Variants in CTNNA3 observed in about 807,000 individuals in gnomAD.
The protein encoded by CTNNA3 is catenin alpha 3.
CTNNA3 carries 76 observed loss-of-function variants against 95.7 expected under a neutral mutation model. The ratio of observed to expected loss-of-function variants is 0.79; its 90% CI spans 0.66 to 0.96. The LOEUF is 0.96. Among genes scored for constraint, CTNNA3 ranks in the 40% least tolerant of loss-of-function variants. The pLI, the probability that CTNNA3 is intolerant of heterozygous loss-of-function variation, is 0.00. For missense variants in CTNNA3, 1,191 were observed against 1,089.8 expected, an observed-to-expected ratio of 1.09 and a Z score of -1.31; for synonymous variants, 431 against 374.4, an observed-to-expected ratio of 1.15 and a Z score of -1.74.
At chr10:67,715,749 A>G (rs114688106) in intron 1 of CTNNA3, among the ~76,000 whole-genome samples, 2,512 of 152,298 alleles carry the variant, frequency 0.016, 73 homozygotes, top group African/African-American at 0.058. Context: ...GATTCAAAAG[A>G]TATTTTAGCC....
intron 10 of CTNNA3, among the ~76,000 whole-genome samples, chr10:66,565,806 T>C (rs1455239443): frequency 6.6e-6 from 1 of 152,156 alleles, no homozygotes; most frequent in Non-Finnish European, 1.5e-5. Context: ...TGAATAAACA[T>C]TTTCATTATT....
At chr10:67,246,754 G>C (rs1001483855) in intron 5 of CTNNA3, among the ~76,000 whole-genome samples, 3 of 152,094 alleles carry the variant, frequency 2.0e-5, no homozygotes, top group African/African-American at 7.2e-5. Context: ...TAAGTTACTG[G>C]AGTACAACTG....
At chr10:65,955,759 G>A (rs937015114) in intron 17 of CTNNA3, among the ~76,000 whole-genome samples, 1 of 152,108 alleles carries the variant, frequency 6.6e-6, no homozygotes, top group Non-Finnish European at 1.5e-5. Context: ...TGGTGGATAA[G>A]CTTTTTGATG....
intron 15 of CTNNA3, among the ~76,000 whole-genome samples, chr10:66,022,361 A>G (rs559123391): frequency 4.1e-4 from 63 of 152,300 alleles, no homozygotes; most frequent in African/African-American, 1.3e-3. Flanking sequence ...ACCTATGCGC[A>G]AAGTACAAGG....
chr10:66,960,948 A>AG (rs1849076221), intron 7 of CTNNA3, among the ~76,000 whole-genome samples: 2 of 152,168 alleles, frequency 1.3e-5, no homozygotes, highest in Non-Finnish European at 2.9e-5. Context: ...CTAGTTAATC[A>AG]CAAGGGATCC....
chr10:66,097,085 T>C (rs1348188403), intron 14 of CTNNA3, among the ~76,000 whole-genome samples: 2 of 152,220 alleles, frequency 1.3e-5, no homozygotes, highest in African/African-American at 4.8e-5. Context: ...CAGATTTACA[T>C]AAACTTGCTG....
intron 7 of CTNNA3, among the ~76,000 whole-genome samples, chr10:66,814,167 G>T (rs1462066709): frequency 6.6e-6 from 1 of 151,592 alleles, no homozygotes; most frequent in Admixed American, 6.6e-5. Flanking sequence ...ATTGGGGCCC[G>T]GTATAGAAAC....
intron 5 of CTNNA3, among the ~76,000 whole-genome samples, chr10:67,347,599 T>G (rs908887763): frequency 6.6e-6 from 1 of 152,162 alleles, no homozygotes; most frequent in African/African-American, 2.4e-5. Flanking sequence ...AACTCAGAAG[T>G]AAATTCTTTG....
intron 7 of CTNNA3, among the ~76,000 whole-genome samples, chr10:66,925,670 T>A (rs1476140315): frequency 6.6e-6 from 1 of 152,192 alleles, no homozygotes; most frequent in Non-Finnish European, 1.5e-5. Context: ...AAAAGCTCAA[T>A]AATTCATTTT....
chr10:67,720,075 G>A lies in CTNNA3; in HGVS notation c.-2+43359C>T, dbSNP rs7099337. ...TGTAATGCCCTTCTTTGTCTTTTTC[G>A]TATTTTTATTGGTTTAAAGTCTGTT... On this transcript the variant is annotated intron_variant, in intron 1 of 17. Transcript: ENST00000684154. Among the ~76,000 whole-genome samples the A allele has an allele frequency of 5.0e-3, 593 of 119,168 alleles. 3 individuals are homozygous for A. Among genetic ancestry groups the A allele is most frequent in the African/African-American group, 0.019 (566 of 30,434 alleles). 78.2% of individuals were successfully genotyped at this position (119,168 alleles called of 152,430 possible). A position where few individuals can be genotyped will look rare whatever the true frequency, so the allele number is the denominator to read the frequency against.
intron 9 of CTNNA3, among the ~76,000 whole-genome samples, chr10:66,708,016 G>C (rs1021245307): frequency 3.3e-5 from 5 of 152,032 alleles, no homozygotes; most frequent in African/African-American, 1.2e-4. Flanking sequence ...ACTCAATCTA[G>C]GGTCTTAGCT....
In CTNNA3 at chr10:66,062,851, A is replaced by G. The variant is rs971147776; in HGVS notation, c.2159+6457T>C. Among the ~76,000 whole-genome samples, 5 of 152,084 alleles carry G rather than the reference A, an allele frequency of 3.3e-5. No individual in the cohort carries two copies. In the East Asian group the frequency reaches 9.7e-4, roughly 29 times the overall value. On this transcript the variant is annotated intron_variant, in intron 15 of 17. Coordinates refer to ENST00000433211, the MANE Select transcript of CTNNA3 (RefSeq NM_013266.4). ...CATGAAATGTGTCTATTTTCAAATG[A>G]TTTGTCACTCTATGGAGTTATGAAT... is the stretch of plus-strand genomic sequence containing the variant.
chr10:66,968,904 C>T (rs1388351671), intron 7 of CTNNA3, among the ~76,000 whole-genome samples: 1 of 152,004 alleles, frequency 6.6e-6, no homozygotes, highest in African/African-American at 2.4e-5. Flanking sequence ...GTAATCCTAG[C>T]TGCTGGGGGC....
chr10:67,059,036 G>A (rs943721573), intron 7 of CTNNA3, among the ~76,000 whole-genome samples: 1 of 152,110 alleles, frequency 6.6e-6, no homozygotes, highest in Admixed American at 6.5e-5. Flanking sequence ...TTCTAAGAAG[G>A]ACATTTCTCA....
At chr10:66,914,431 A>G (rs984613517) in intron 7 of CTNNA3, among the ~76,000 whole-genome samples, 3 of 152,102 alleles carry the variant, frequency 2.0e-5, no homozygotes, top group Non-Finnish European at 2.9e-5. Flanking sequence ...ATATGAATGA[A>G]CACAGAAGAA....
chr10:66,142,652 T>C (rs1347490863), intron 13 of CTNNA3, among the ~76,000 whole-genome samples: 1 of 152,072 alleles, frequency 6.6e-6, no homozygotes, highest in Admixed American at 6.6e-5. Flanking sequence ...ATTAACCTTT[T>C]GCTATGACAC....
chr10:67,693,637 T>A (rs530901504), intron 1 of CTNNA3, among the ~76,000 whole-genome samples: 77 of 152,342 alleles, frequency 5.1e-4, no homozygotes, highest in African/African-American at 1.8e-3. Flanking sequence ...AAAAAGTTTT[T>A]TAATACAGGA....
At chr10:66,642,305 C>CACACAA (rs1161244532) in intron 9 of CTNNA3, among the ~76,000 whole-genome samples, 1 of 148,442 alleles carries the variant, frequency 6.7e-6, no homozygotes, top group African/African-American at 2.5e-5. Context: ...CACACACACA[C>CACACAA]AAAACCTGAT....
intron 5 of CTNNA3, among the ~76,000 whole-genome samples, chr10:67,259,059 T>C (rs977997089): frequency 2.6e-5 from 4 of 152,204 alleles, no homozygotes; most frequent in African/African-American, 4.8e-5. Context: ...TGTTGCGTTG[T>C]GCTCTTTTTC....
Sources: allele counts gnomAD v4.1 joint callset (sites outside exome capture counted in the v4.1 genomes callset), GRCh38; gene constraint gnomAD v4.1.1; transcripts MANE v1.5; gene names NCBI Gene and HGNC (gene_info 2026-07-23, HGNC 2026-07-21).